Variants in MTUS1 observed in about 807,000 individuals in gnomAD.
MTUS1 encodes the protein microtubule-associated tumor suppressor 1.
Under a neutral mutation model 120.8 loss-of-function variants are expected in MTUS1, and 109 were observed. That is an observed-to-expected ratio of 0.90 (90% CI 0.77 to 1.06). The LOEUF (loss-of-function observed/expected upper bound fraction) is 1.06. MTUS1 is among the 50% of genes least tolerant of loss of function. The pLI is 0.00. For missense variants in MTUS1, 2,210 were observed against 1,486.3 expected, an observed-to-expected ratio of 1.49 and a Z score of -8.01; for synonymous variants, 737 against 550.5, an observed-to-expected ratio of 1.34 and a Z score of -4.74.
Position 17,791,887 on chromosome 8 carries a change from T to C in MTUS1, c.-155+9174A>G, listed in dbSNP as rs149866544. Among the ~76,000 whole-genome samples, 203 of 152,292 alleles carry C rather than the reference T, an allele frequency of 1.3e-3. 2 individuals carry two copies. The highest frequency in any genetic ancestry group is 2.0e-3 in the Non-Finnish European group (134 of 68,028). On this transcript the variant is annotated intron_variant, in intron 1 of 14. Coordinates refer to ENST00000693296, the MANE Select transcript of MTUS1 (RefSeq NM_001363059.2). ...GACTAAGGAAGGTTATTAGCACCCA[T>C]TGATCATTTTCTATATACCTGGCAC...
intron 12 of MTUS1, among the ~76,000 whole-genome samples, chr8:17,652,450 T>G (rs1034967810): frequency 1.3e-5 from 2 of 151,492 alleles, no homozygotes; most frequent in Non-Finnish European, 2.9e-5. Flanking sequence ...AGTAAATCCA[T>G]AGAGATAGAA....
chr8:17,688,155 C>A (rs1448071566), intron 6 of MTUS1, among the ~76,000 whole-genome samples: 2 of 152,172 alleles, frequency 1.3e-5, no homozygotes, highest in African/African-American at 2.4e-5. Context: ...AAACTAAACA[C>A]AGAATTTGGA....
chr8:17,727,757 A>G (rs568334861), intron 3 of MTUS1, among the ~76,000 whole-genome samples: 2 of 152,352 alleles, frequency 1.3e-5, no homozygotes, highest in African/African-American at 4.8e-5. Flanking sequence ...TACTTGCAGG[A>G]TATTATTGAC....
intron 1 of MTUS1, among the ~76,000 whole-genome samples, chr8:17,785,650 G>T (rs2131551248): frequency 6.6e-6 from 1 of 152,296 alleles, no homozygotes; most frequent in South Asian, 2.1e-4. Flanking sequence ...TTGGTACACT[G>T]TATTTTTATT....
At chr8:17,701,636 C>G (rs965839263) in intron 6 of MTUS1, among the ~76,000 whole-genome samples, 2 of 152,108 alleles carry the variant, frequency 1.3e-5, no homozygotes, top group African/African-American at 4.8e-5. Context: ...CAAGCTCCAC[C>G]TCTCGGGTTC....
At chr8:17,746,355 G>T (rs549622761) in intron 2 of MTUS1, among the ~76,000 whole-genome samples, 5 of 151,994 alleles carry the variant, frequency 3.3e-5, no homozygotes, top group Non-Finnish European at 5.9e-5. Context: ...GCACCTCTAC[G>T]TATTAGTCCA....
At chr8:17,672,230 T>C (rs1317306479) in intron 8 of MTUS1, among the ~76,000 whole-genome samples, 8 of 152,360 alleles carry the variant, frequency 5.3e-5, no homozygotes, top group Admixed American at 5.2e-4. Flanking sequence ...ACTACACAGC[T>C]GTCAAGCTGC....
intron 7 of MTUS1, among the ~76,000 whole-genome samples, chr8:17,680,917 T>A (rs1356031050): frequency 6.6e-6 from 1 of 151,872 alleles, no homozygotes; most frequent in African/African-American, 2.4e-5. Context: ...TGGACTTGTG[T>A]TCTTCATTTA....
intron 9 of MTUS1, 57 bp downstream of exon 9, chr8:17,655,806 C>T: frequency 6.8e-7 from 1 of 1,481,270 alleles, no homozygotes; most frequent in South Asian, 1.1e-5. Flanking sequence ...GAAGAGCAAC[C>T]AGGATTCAAG....
At chr8:17,724,222 T>C in intron 3 of MTUS1, 1 of 399,776 alleles carries the variant, frequency 2.5e-6, no homozygotes, top group Non-Finnish European at 4.8e-6. Flanking sequence ...AAAAAAAAAA[T>C]AATCCATTAG....
intron 6 of MTUS1, among the ~76,000 whole-genome samples, chr8:17,692,466 G>T (rs1014664845): frequency 7.9e-5 from 12 of 152,154 alleles, no homozygotes; most frequent in Admixed American, 7.9e-4. Context: ...TTTTCTTCAG[G>T]TGAGACAAGT....
At chr8:17,727,090 C>T (rs1235927912) in intron 3 of MTUS1, among the ~76,000 whole-genome samples, 4 of 152,168 alleles carry the variant, frequency 2.6e-5, no homozygotes, top group Non-Finnish European at 4.4e-5. Flanking sequence ...TCATTGTCAC[C>T]CCCATCCAGG....
chr8:17,665,599 G>A (rs144157024), intron 8 of MTUS1, among the ~76,000 whole-genome samples: 126 of 152,178 alleles, frequency 8.3e-4, no homozygotes, highest in Middle Eastern at 3.4e-3. Context: ...GGCATCAAGC[G>A]ATCTGTCCAC....
intron 1 of MTUS1, among the ~76,000 whole-genome samples, chr8:17,765,022 G>A (rs147556321): frequency 0.011 from 1,616 of 152,248 alleles, 26 homozygotes; most frequent in African/African-American, 0.036. Context: ...TTGTTTTCCT[G>A]TAAGTAGACA....
intron 7 of MTUS1, among the ~76,000 whole-genome samples, chr8:17,681,978 T>C (rs1456806374): frequency 6.6e-6 from 1 of 152,222 alleles, no homozygotes; most frequent in Admixed American, 6.5e-5. Flanking sequence ...GTTTTCATTC[T>C]AAGTTTTTGG....
chr8:17,656,073 CAG>C lies in MTUS1; in HGVS notation c.2906-10_2906-9del. The C allele has an allele frequency of 1.2e-6, 2 of 1,613,766 alleles. No individual in the cohort carries two copies. Among genetic ancestry groups the C allele is most frequent in the African/African-American group, 1.3e-5 (1 of 75,020 alleles). The stretch of plus-strand genomic sequence containing the variant: ...AGGTGGTTGAAGCAGTGACTGAAAA[CAG>C]AGGAGAAAGAAGAGGGAAGAGGTCA... On this transcript the variant is annotated splice_polypyrimidine_tract_variant and intron_variant, in intron 8 of 14. Coordinates refer to ENST00000693296, the MANE Select transcript of MTUS1 (RefSeq NM_001363059.2).
chr8:17,693,999 G>A (rs149536099), intron 6 of MTUS1, among the ~76,000 whole-genome samples: 3 of 152,296 alleles, frequency 2.0e-5, no homozygotes, highest in East Asian at 1.9e-4. Flanking sequence ...CAACATCTTA[G>A]GCTGGATTAT....
At chr8:17,653,886 A>T (rs973441020) in intron 10 of MTUS1, 1 of 163,588 alleles carries the variant, frequency 6.1e-6, no homozygotes, top group African/African-American at 2.4e-5. Context: ...AATTATACTC[A>T]TTTCTAGCAG....
chr8:17,711,788 G>C (rs887820043), intron 6 of MTUS1, among the ~76,000 whole-genome samples: 1 of 152,200 alleles, frequency 6.6e-6, no homozygotes, highest in Non-Finnish European at 1.5e-5. Context: ...GATTTAAAGT[G>C]AGAGACATGC....
Sources: gnomAD v4.1 joint callset for allele counts (sites outside exome capture counted in the v4.1 genomes callset) on GRCh38, gnomAD v4.1.1 for gene constraint, MANE v1.5 for transcripts, NCBI Gene and HGNC (gene_info 2026-07-23, HGNC 2026-07-21) for gene names.